The following PPP1R13B variants were observed in gnomAD, a reference collection of about 807,000 sequenced individuals.
PPP1R13B encodes the protein protein phosphatase 1 regulatory subunit 13B.
A neutral mutation model predicts 119.8 loss-of-function variants in PPP1R13B; 44 were observed. The observed-to-expected ratio is 0.37, with a 90% CI of 0.29 to 0.47. The LOEUF (loss-of-function observed/expected upper bound fraction) is 0.47, where lower values mean the gene tolerates loss of function less well. PPP1R13B is among the 20% of genes least tolerant of loss of function. The probability of loss-of-function intolerance (pLI) is 0.99; values close to 1 mark genes in which losing one functional copy is unlikely to be tolerated. For missense variants in PPP1R13B, 1,227 were observed against 1,413.5 expected, an observed-to-expected ratio of 0.87 and a Z score of 2.12; for synonymous variants, 542 against 561.5, an observed-to-expected ratio of 0.97 and a Z score of 0.49.
chr14:103,741,956 GGC>G lies in PPP1R13B; in HGVS notation c.1654_1655del (p.Ala552HisfsTer2). On this transcript the variant is annotated frameshift_variant, in exon 11 of 17. Coordinates refer to ENST00000202556, the MANE Select transcript of PPP1R13B (RefSeq NM_015316.3). LOFTEE classifies it high-confidence loss of function. ...DSKPELPLTV[A>X]IRPFLADKGS... ...CTTTATCAGCCAGGAAAGGCCTAAT[GGC>G]CACTGTCAGTGGGAGTTCAGGCTTG... The G allele has an allele frequency of 6.2e-7, 1 of 1,614,246 alleles. No individual in the cohort carries two copies. Among genetic ancestry groups the G allele is most frequent in the Non-Finnish European group, 8.5e-7 (1 of 1,180,048 alleles).
Position 103,738,844 on chromosome 14 carries a change from C to G in PPP1R13B, c.2731-32G>C. ...CACACGGCCTGTGAGCGCCCATCCC[C>G]TCGCCCCCAGCAGCGTGCACTGGTC... is the stretch of plus-strand genomic sequence containing the variant. On this transcript the variant is annotated intron_variant, in intron 13 of 16. Coordinates refer to ENST00000202556, the MANE Select transcript of PPP1R13B (RefSeq NM_015316.3). This position sits in a 1 kb window ranked among gnomAD's most constrained non-coding sequence, Gnocchi z 5.6. The G allele has an allele frequency of 6.2e-7, 1 of 1,613,580 alleles. No homozygotes were observed. The highest frequency in any genetic ancestry group is 2.2e-5 in the East Asian group (1 of 44,858).
chr14:103,771,102 TTCTC>T (rs2085057498), intron 4 of PPP1R13B, among the ~76,000 whole-genome samples: 1 of 152,166 alleles, frequency 6.6e-6, no homozygotes, highest in Non-Finnish European at 1.5e-5. Flanking sequence ...GAACCTACCT[TTCTC>T]TATCACTGAG....
In PPP1R13B at chr14:103,756,657, C is replaced by A. The variant is rs150364474; in HGVS notation, c.456+993G>T. ...GTGGCCCTGATCAGTGTTTTCATCA[C>A]GGATTGCTGCTTTCTTCTTGAACAT... On this transcript the variant is annotated intron_variant, in intron 5 of 16. Transcript: ENST00000202556. 7.5e-3 allele frequency among the ~76,000 whole-genome samples: 1,147 copies of A among 152,284 alleles called. 7 individuals are homozygous for A. The highest frequency in any genetic ancestry group is 0.012 in the Admixed American group (184 of 15,294).
intron 4 of PPP1R13B, among the ~76,000 whole-genome samples, chr14:103,777,800 T>TAA (rs10658393): frequency 0.059 from 8,314 of 140,972 alleles, 731 homozygotes; most frequent in African/African-American, 0.19. Flanking sequence ...AAAAAGCAAT[T>TAA]AAAAAAAAAA....
chr14:103,802,204 G>A (rs1483089900), intron 1 of PPP1R13B, among the ~76,000 whole-genome samples: 1 of 152,104 alleles, frequency 6.6e-6, no homozygotes, highest in Non-Finnish European at 1.5e-5. Context: ...GTAATATCGG[G>A]AGGCTGAGGC....
intron 1 of PPP1R13B, among the ~76,000 whole-genome samples, chr14:103,833,260 T>TC (rs888385203): frequency 6.6e-6 from 1 of 152,160 alleles, no homozygotes; most frequent in Non-Finnish European, 1.5e-5. Context: ...TCCAGCCTCA[T>TC]CCCCTTCCTC....
rs1441697139 is a variant in PPP1R13B at position 103,742,087 on chromosome 14, T to C, written c.1525A>G (p.Thr509Ala). 1 of 1,613,630 alleles carries C rather than the reference T, an allele frequency of 6.2e-7. No individual in the cohort carries two copies. The highest frequency in any genetic ancestry group is 8.5e-7 in the Non-Finnish European group (1 of 1,179,918). Residue 509 changes from threonine (T) to alanine (A), a missense_variant, in exon 11 of 17, where the codon ACC becomes GCC. Physicochemically the swap from Thr to Ala is moderately conservative, Grantham distance 58. Coordinates refer to ENST00000202556, the MANE Select transcript of PPP1R13B (RefSeq NM_015316.3). The surrounding 1 kb of genome is among the most constrained non-coding windows in gnomAD (Gnocchi z 4.9). Reference sequence around the variant, plus strand: ...TGTTGTGAGGAGCCTGGCTGGGGGGTGCTGCCTGTGGCGGGCAGCAGGGTG... The same window carrying C: ...TGTTGTGAGGAGCCTGGCTGGGGGGCGCTGCCTGTGGCGGGCAGCAGGGTG... ...RPTLLPATGS[T>A]PQPGSSQQIQ...
Position 103,740,633 on chromosome 14 carries a change from A to G in PPP1R13B, c.1823-40T>C, listed in dbSNP as rs377736691. The G allele has an allele frequency of 6.8e-7, 1 of 1,464,282 alleles. No homozygotes were observed. The allele number at this position is 1,464,282 out of a possible 1,614,324, so 90.7% of individuals were successfully genotyped here. A position where few individuals can be genotyped will look rare whatever the true frequency, so the allele number is the denominator to read the frequency against. On this transcript the variant is annotated intron_variant, in intron 11 of 16. Transcript: ENST00000202556. The surrounding 1 kb of genome is among the most constrained non-coding windows in gnomAD (Gnocchi z 4.6). ...AAGGACAGGCAATTTTGACCTCACT[A>G]CAGAGATCTAGTCATACACACCTAT...
At chr14:103,784,408 C>A (rs1464295191) in intron 3 of PPP1R13B, among the ~76,000 whole-genome samples, 1 of 151,530 alleles carries the variant, frequency 6.6e-6, no homozygotes, top group Admixed American at 6.6e-5. Flanking sequence ...CATGGTGAAA[C>A]CCCATCTCTA....
chr14:103,831,135 G>C (rs917538988), intron 1 of PPP1R13B, among the ~76,000 whole-genome samples: 5 of 151,666 alleles, frequency 3.3e-5, no homozygotes, highest in Admixed American at 1.3e-4. Context: ...GGTAGAGATG[G>C]GGTTTCACCA....
chr14:103,778,846 C>T (rs779832189), intron 3 of PPP1R13B, 25 bp from the exon 4 acceptor site: 1 of 1,563,664 alleles, frequency 6.4e-7, no homozygotes. Flanking sequence ...GAACCAAACT[C>T]ACCAAAAGGC....
At chr14:103,771,940 C>G (rs2085080102) in intron 4 of PPP1R13B, among the ~76,000 whole-genome samples, 1 of 152,184 alleles carries the variant, frequency 6.6e-6, no homozygotes, top group African/African-American at 2.4e-5. Context: ...AATCCATCCT[C>G]TCCCCAAATT....
rs2151961188 is a variant in PPP1R13B, at chr14:103,738,254, C to A, written c.2865-394G>T. 1 of 283,344 alleles carries A rather than the reference C, an allele frequency of 3.5e-6. No homozygotes were observed. Among genetic ancestry groups the A allele is most frequent in the Non-Finnish European group, 6.7e-6 (1 of 149,930 alleles). 17.6% of individuals were successfully genotyped at this position (283,344 alleles called of 1,614,324 possible). On this transcript the variant is annotated intron_variant, in intron 14 of 16. Transcript: ENST00000202556. The surrounding 1 kb of genome is among the most constrained non-coding windows in gnomAD (Gnocchi z 5.6). Reference sequence around the variant, plus strand: ...GTTCAAAATAACCCCCACAGGAGACCAACACGCCTCGCCCAGCAGCAGAGC... The same window carrying A: ...GTTCAAAATAACCCCCACAGGAGACAAACACGCCTCGCCCAGCAGCAGAGC...
intron 3 of PPP1R13B, among the ~76,000 whole-genome samples, chr14:103,779,600 A>T (rs1007210635): frequency 2.1e-5 from 3 of 142,368 alleles, no homozygotes; most frequent in African/African-American, 8.1e-5. Flanking sequence ...CGTGGCGAAA[A>T]TCTGTCTCTA....
intron 1 of PPP1R13B, among the ~76,000 whole-genome samples, chr14:103,809,717 G>C (rs1296828000): frequency 6.6e-6 from 1 of 151,938 alleles, no homozygotes; most frequent in Non-Finnish European, 1.5e-5. Context: ...AGACACGTGG[G>C]GGGCTGAGGC....
chr14:103,738,683 C>A lies in PPP1R13B; in HGVS notation c.2860G>T (p.Gly954Ter). The A allele has an allele frequency of 6.2e-7, 1 of 1,614,212 alleles. No individual in the cohort carries two copies. Among genetic ancestry groups the A allele is most frequent in the South Asian group, 1.1e-5 (1 of 91,082 alleles). The change falls in exon 14 of 17, where the codon GGA (glycine) becomes TGA (stop). Residue 954 changes from glycine to a stop codon, truncating the protein, a stop_gained. Transcript: ENST00000202556. LOFTEE classifies it high-confidence loss of function. The surrounding 1 kb of genome is among the most constrained non-coding windows in gnomAD (Gnocchi z 5.6). The part of the protein sequence containing the change: ...GVNVNAADSD[G>*]WTPLHCAASC... ...CCACACTCCTACGGGCCTCACCATC[C>A]ATCACTATCAGCAGCATTCACGTTG...
chr14:103,796,045 A>G (rs2085749436), intron 2 of PPP1R13B, among the ~76,000 whole-genome samples: 1 of 152,192 alleles, frequency 6.6e-6, no homozygotes, highest in Non-Finnish European at 1.5e-5. Context: ...TAATCCCAGC[A>G]CTTTGGGAGG....
chr14:103,827,261 G>A (rs1468833428), intron 1 of PPP1R13B, among the ~76,000 whole-genome samples: 8 of 152,002 alleles, frequency 5.3e-5, no homozygotes, highest in African/African-American at 7.2e-5. Flanking sequence ...GTGTGAACCC[G>A]GCAGGTGGAG....
intron 1 of PPP1R13B, among the ~76,000 whole-genome samples, chr14:103,808,854 T>C (rs962220079): frequency 3.9e-5 from 6 of 152,014 alleles, no homozygotes; most frequent in Non-Finnish European, 7.4e-5. Context: ...GAGACAGCTA[T>C]ACACCCATTT....
Sources: gnomAD v4.1 joint callset for allele counts (sites outside exome capture counted in the v4.1 genomes callset) on GRCh38, gnomAD v4.1.1 for gene constraint, Gnocchi (gnomAD v3.1) non-coding constraint, MANE v1.5 for transcripts, NCBI Gene and HGNC (gene_info 2026-07-23, HGNC 2026-07-21) for gene names.